Variants in ANKRD42 observed in about 807,000 individuals in gnomAD.
The protein encoded by ANKRD42 is ankyrin repeat domain 42, also known as ankyrin repeat domain-containing protein 42.
A neutral mutation model predicts 51.5 loss-of-function variants in ANKRD42; 43 were observed. The ratio of observed to expected loss-of-function variants is 0.83; its 90% CI spans 0.65 to 1.08. The LOEUF (loss-of-function observed/expected upper bound fraction) is 1.08. ANKRD42 is among the 50% of genes least tolerant of loss of function. The pLI is 0.00. For missense variants in ANKRD42, 608 were observed against 629.3 expected (o/e 0.97, Z 0.36); for synonymous variants, 203 against 213.0 (o/e 0.95, Z 0.41).
intron 7 of ANKRD42, among the ~76,000 whole-genome samples, chr11:83,234,783 T>C (rs1371490014): frequency 6.6e-6 from 1 of 152,190 alleles, no homozygotes; most frequent in East Asian, 1.9e-4. Context: ...CTGAAGTTTC[T>C]GTGTTAGTGG....
At chr11:83,238,270 T>TA (rs1337880866) in intron 8 of ANKRD42, among the ~76,000 whole-genome samples, 1 of 152,374 alleles carries the variant, frequency 6.6e-6, no homozygotes, top group African/African-American at 2.4e-5. Context: ...AACATTACTA[T>TA]ACAGGTTTTT....
At chr11:83,219,479 TA>T (rs879372426) in intron 5 of ANKRD42, among the ~76,000 whole-genome samples, 1 of 152,142 alleles carries the variant, frequency 6.6e-6, no homozygotes, top group East Asian at 1.9e-4. Flanking sequence ...ACAGGAGGCG[TA>T]TAGTAAGTTT....
downstream of ANKRD42, among the ~76,000 whole-genome samples, chr11:83,251,616 A>G (rs942344802): frequency 2.6e-5 from 4 of 152,220 alleles, no homozygotes; most frequent in African/African-American, 9.6e-5. Flanking sequence ...TACTGCTATT[A>G]TAAACCCCTC....
Position 83,208,216 on chromosome 11 carries a change from A to AG in ANKRD42, c.330+2059dup, listed in dbSNP as rs370996909. ...TTTTTTTTGTAGAGATGTCTGTGGG[A>AG]GGGGGGGGTCTCCCTATGTTGCCTA... On this transcript the variant is annotated intron_variant, in intron 3 of 10. Coordinates refer to ENST00000533342, the MANE Select transcript of ANKRD42 (RefSeq NM_001300975.2). Among the ~76,000 whole-genome samples the AG allele has an allele frequency of 3.5e-3, 527 of 150,596 alleles. 2 individuals carry two copies. Among genetic ancestry groups the AG allele is most frequent in the Middle Eastern group, 0.014 (4 of 294 alleles).
chr11:83,229,895 G>T (rs1160136329), intron 7 of ANKRD42, among the ~76,000 whole-genome samples: 1 of 152,046 alleles, frequency 6.6e-6, no homozygotes, highest in Non-Finnish European at 1.5e-5. Flanking sequence ...TGTTTATGGG[G>T]TATGTGAGAT....
chr11:83,227,536 T>G (rs1225494438), intron 6 of ANKRD42, among the ~76,000 whole-genome samples: 2 of 152,224 alleles, frequency 1.3e-5, no homozygotes, highest in Admixed American at 6.5e-5. Flanking sequence ...ACTTCTGGCA[T>G]GTTTGAAGTC....
At chr11:83,218,794 G>C (rs1013575423) in intron 5 of ANKRD42, among the ~76,000 whole-genome samples, 2 of 152,120 alleles carry the variant, frequency 1.3e-5, no homozygotes, top group African/African-American at 4.8e-5. Flanking sequence ...TCTGTCATTT[G>C]GGCAAAGCTT....
intron 7 of ANKRD42, among the ~76,000 whole-genome samples, chr11:83,228,088 A>G (rs887665761): frequency 2.0e-5 from 3 of 152,088 alleles, no homozygotes; most frequent in Admixed American, 6.5e-5. Flanking sequence ...TATCTTATTC[A>G]AGGGTAATTC....
At chr11:83,196,784 T>C (rs1204461857) in intron 1 of ANKRD42, among the ~76,000 whole-genome samples, 1 of 152,102 alleles carries the variant, frequency 6.6e-6, no homozygotes, top group Non-Finnish European at 1.5e-5. Context: ...TAAATCGGGA[T>C]GGAATGTAGT....
chr11:83,209,742 A>G, intron 3 of ANKRD42: 1 of 661,240 alleles, frequency 1.5e-6, no homozygotes, highest in Non-Finnish European at 2.8e-6. Flanking sequence ...TCACTTTCAT[A>G]TTTAGAAGAT....
intron 7 of ANKRD42, among the ~76,000 whole-genome samples, chr11:83,231,474 G>A (rs11233531): frequency 0.045 from 6,861 of 152,146 alleles, 199 homozygotes; most frequent in South Asian, 0.15. Context: ...TTGTCAGGTG[G>A]GTAGTTTGCA....
chr11:83,244,960 A>G (rs1269472885), intron 9 of ANKRD42, among the ~76,000 whole-genome samples: 1 of 151,604 alleles, frequency 6.6e-6, no homozygotes, highest in East Asian at 1.9e-4. Context: ...GCTGGAGTGC[A>G]GTGATGTGGT....
chr11:83,216,825 C>G (rs1325241557), intron 5 of ANKRD42, among the ~76,000 whole-genome samples: 2 of 152,184 alleles, frequency 1.3e-5, no homozygotes, highest in African/African-American at 4.8e-5. Context: ...TGAGCCACTA[C>G]TTGACCCAGG....
intron 8 of ANKRD42, among the ~76,000 whole-genome samples, chr11:83,238,969 A>G (rs1021738552): frequency 1.3e-5 from 2 of 151,688 alleles, no homozygotes; most frequent in Non-Finnish European, 2.9e-5. Flanking sequence ...AGATCGCACC[A>G]CAGCACTCCA....
chr11:83,205,341 C>A (rs1477207756), intron 2 of ANKRD42, among the ~76,000 whole-genome samples: 1 of 152,146 alleles, frequency 6.6e-6, no homozygotes, highest in Admixed American at 6.5e-5. Context: ...GTCTCTGCTG[C>A]AGGAAAATGA....
At chr11:83,255,988 T>C in exon 12 of ANKRD42, 1 of 1,293,758 alleles carries the variant, frequency 7.7e-7, no homozygotes, top group Non-Finnish European at 1.1e-6. Context: ...TTAAAAAAAT[T>C]GATATAAATG....
chr11:83,197,338 T>C (rs1355316604), intron 1 of ANKRD42, among the ~76,000 whole-genome samples: 1 of 152,266 alleles, frequency 6.6e-6, no homozygotes, highest in African/African-American at 2.4e-5. Flanking sequence ...TTTTCTATCA[T>C]GTTATCATAG....
At chr11:83,211,490 T>G in intron 5 of ANKRD42, 60 bp downstream of exon 5, 1 of 1,572,098 alleles carries the variant, frequency 6.4e-7, no homozygotes, top group South Asian at 1.1e-5. Context: ...AAATGTTTGA[T>G]CTTGTTTAAG....
In ANKRD42 at chr11:83,248,008, A is replaced by C. The variant is rs1342515035; in HGVS notation, c.1388A>C (p.Gln463Pro). 1.9e-6 allele frequency: 3 copies of C among 1,613,120 alleles called. No homozygotes were observed. The South Asian group carries it at 3.3e-5, about 18-fold the overall frequency. The change falls in exon 11 of 11, where the codon CAG (glutamine) becomes CCG (proline). Residue 463 changes from glutamine to proline, a missense_variant. Transcript: ENST00000533342. ...ERLRREKLEC[Q>P]LDEYRAEVDQ... ...CTACGTAGAGAAAAATTAGAATGTC[A>C]GCTTGATGAATATCGAGCAGAAGTT...
Sources: allele counts gnomAD v4.1 joint callset (sites outside exome capture counted in the v4.1 genomes callset), GRCh38; gene constraint gnomAD v4.1.1; transcripts MANE v1.5; gene names NCBI Gene and HGNC (gene_info 2026-07-23, HGNC 2026-07-21).